EEF1D: variants seen among roughly 807,000 people sequenced by gnomAD.
EEF1D encodes the protein eukaryotic translation elongation factor 1 delta.
Under a neutral mutation model 63.9 loss-of-function variants are expected in EEF1D, and 47 were observed. That is an observed-to-expected ratio of 0.74 (90% confidence interval 0.58 to 0.94). The LOEUF is 0.94. Ranked by LOEUF, EEF1D falls within the 40% of genes least tolerant of loss-of-function variation. The probability of loss-of-function intolerance (pLI) is 0.00; values close to 1 mark genes in which losing one functional copy is unlikely to be tolerated. For synonymous variants in EEF1D, 412 were observed against 386.1 expected (o/e 1.07, Z -0.79); for missense variants, 907 against 899.0 (o/e 1.01, Z -0.11).
rs752847462 is a variant in EEF1D, at chr8:143,589,152, C to G, written c.930G>C (p.Lys310Asn). The change falls in exon 3 of 10, where the codon AAG becomes AAC. Residue 310 changes from lysine to asparagine, a missense_variant. By Grantham distance (94) the Lys-to-Asn change is moderately conservative (BLOSUM62 0). Transcript: ENST00000618139. ...SALPYCYFLQ[K>N]DAEAPWLSKP... is the part of the protein sequence containing the mutation. ...TGCTGAGCCAGGGGGCCTCTGCATC[C>G]TTCTGCAGGAAGTAACAGTAGGGCA... 6.2e-7 allele frequency: 1 copy of G among 1,608,516 alleles called. No homozygotes were observed. Among genetic ancestry groups the G allele is most frequent in the Non-Finnish European group, 8.5e-7 (1 of 1,177,816 alleles).
In EEF1D at chr8:143,581,314, C is replaced by T. The variant is rs560229924; in HGVS notation, c.1302G>A (p.Gly434=). The T allele has an allele frequency of 2.5e-6, 4 of 1,611,464 alleles. No individual in the cohort carries two copies. The African/African-American group carries it at 4.0e-5, about 16-fold the overall frequency. Residue 434 remains glycine, a synonymous_variant, in exon 6 of 10, where the codon GGG becomes GGA. Coordinates refer to ENST00000618139, the MANE Select transcript of EEF1D (RefSeq NM_001130053.5). ...QKSLAGSSGP[G]ASSGTSGDHG... is the part of the protein sequence containing the mutation. Reference sequence around the variant, plus strand: ...GGTCTCCGCTGGTGCCGCTGGAGGCCCCGGGGCCTGAGCTCTGCAAGGCAG... The same window carrying T: ...GGTCTCCGCTGGTGCCGCTGGAGGCTCCGGGGCCTGAGCTCTGCAAGGCAG...
At position 143,580,456 on chromosome 8, in the gene EEF1D, G is replaced by A. The variant is rs193071723; in HGVS notation, c.1710+50C>T. The A allele has an allele frequency of 9.7e-4, 1,526 of 1,580,260 alleles. 7 individuals carry two copies. The African/African-American group carries it at 0.018, about 19-fold the overall frequency. On this transcript the variant is annotated intron_variant, in intron 8 of 9. Coordinates refer to ENST00000618139, the MANE Select transcript of EEF1D (RefSeq NM_001130053.5). ...GGGTCACAGGCTGAGCCGGCTAGGC[G>A]GGCACCAGGGCAGTGCCTGGCCCCC...
intron 1 of EEF1D, among the ~76,000 whole-genome samples, chr8:143,595,397 G>C (rs1416658840): frequency 6.6e-6 from 1 of 151,924 alleles, no homozygotes; most frequent in East Asian, 1.9e-4. Flanking sequence ...GTAGAGACGG[G>C]GTTTCACCAT....
intron 8 of EEF1D, 120 bp downstream of exon 8, chr8:143,580,386 T>C: frequency 7.5e-7 from 1 of 1,338,596 alleles, no homozygotes; most frequent in Non-Finnish European, 1.0e-6. Flanking sequence ...CCAAGACTTC[T>C]AAACTCGGCT....
chr8:143,589,093 T>C lies in EEF1D; in HGVS notation c.989A>G (p.His330Arg). The change falls in exon 3 of 10, where the codon CAC becomes CGC. Residue 330 changes from histidine (H) to arginine (R), a missense_variant. Coordinates refer to ENST00000618139, the MANE Select transcript of EEF1D (RefSeq NM_001130053.5). The stretch of plus-strand genomic sequence containing the variant: ...GGCCACCCGCAGGGCCTCGGCAGCG[T>C]GGTGGCGGCACTCGGCGCTGTCGTA... ...PAYDSAECRH[H>R]AAEALRVAWC... 3.1e-6 allele frequency: 5 copies of C among 1,610,024 alleles called. No homozygotes were observed. Among genetic ancestry groups the C allele is most frequent in the Non-Finnish European group, 4.2e-6 (5 of 1,179,242 alleles).
rs1241548945 is a variant in EEF1D at position 143,589,625 on chromosome 8, G to T, written c.457C>A (p.Gln153Lys). ...APWGLCTHGN[Q>K]VACHHVTWGI... ...CAGGTCACGTGGTGGCAGGCCACCT[G>T]GTTTCCATGGGTGCAGAGACCCCAA... Residue 153 changes from glutamine to lysine, a missense_variant, in exon 3 of 10, where the codon CAG becomes AAG. Physicochemically the swap from Gln to Lys is moderately conservative, Grantham distance 53 (BLOSUM62 1). Coordinates refer to ENST00000618139, the MANE Select transcript of EEF1D (RefSeq NM_001130053.5). 1 of 1,536,904 alleles carries T rather than the reference G, an allele frequency of 6.5e-7. No individual in the cohort carries two copies. Among genetic ancestry groups the T allele is most frequent in the South Asian group, 1.2e-5 (1 of 80,712 alleles).
intron 1 of EEF1D, chr8:143,596,409 A>AT (rs1828831267): frequency 1.3e-5 from 2 of 152,298 alleles, no homozygotes; most frequent in African/African-American, 4.8e-5. Flanking sequence ...CCTCAGCTGC[A>AT]TCCCCCACCC....
chr8:143,588,463 T>G (rs1827150570), intron 3 of EEF1D, among the ~76,000 whole-genome samples: 1 of 152,204 alleles, frequency 6.6e-6, no homozygotes, highest in South Asian at 2.1e-4. Flanking sequence ...GGAGGCCACC[T>G]GACCAGCCAC....
At chr8:143,580,808 C>T (rs1202556662) in intron 7 of EEF1D, 81 bp from the exon 8 acceptor site, 2 of 1,495,942 alleles carry the variant, frequency 1.3e-6, no homozygotes, top group Non-Finnish European at 1.8e-6. Context: ...TCCTGGCCCT[C>T]CTCCCTCCTT....
intron 3 of EEF1D, chr8:143,587,085 T>G: frequency 2.4e-6 from 1 of 417,722 alleles, no homozygotes; most frequent in Admixed American, 4.1e-5. Context: ...CCCAGGCCCT[T>G]CCCTTTCACT....
chr8:143,583,858 C>CA (rs1461419211), intron 5 of EEF1D: 4 of 152,302 alleles, frequency 2.6e-5, no homozygotes, highest in Admixed American at 2.0e-4. Flanking sequence ...GGCCCACTGT[C>CA]ATCACAAGGG....
At chr8:143,584,038 C>T (rs1826059414) in intron 5 of EEF1D, 1 of 152,278 alleles carries the variant, frequency 6.6e-6, no homozygotes, top group Admixed American at 6.5e-5. Context: ...GATTTTGCCC[C>T]ATAAGATGAT....
intron 5 of EEF1D, 47 bp downstream of exon 5, chr8:143,586,172 G>T: frequency 6.4e-7 from 1 of 1,561,982 alleles, no homozygotes; most frequent in Non-Finnish European, 8.7e-7. Context: ...CAGACATGCT[G>T]CTTGGCCGAG....
In EEF1D at chr8:143,580,071, C is replaced by A; in HGVS notation, c.1846G>T (p.Glu616Ter). Residue 616 changes from glutamate (E) to a stop codon, truncating the protein, a stop_gained, in exon 9 of 10, where the codon GAG (glutamate) becomes TAG (stop). Coordinates refer to ENST00000618139, the MANE Select transcript of EEF1D (RefSeq NM_001130053.5). LOFTEE classifies it high-confidence loss of function. ...IRKLQIQCVV[E>*]DDKVGTDLLE... ...AAGTCTGTCCCCACCTTGTCGTCCT[C>A]CACCACACACTGAATCTGTAGCTTC... is the stretch of plus-strand genomic sequence containing the variant. 23 of 1,614,084 alleles carry A rather than the reference C, an allele frequency of 1.4e-5. No individual in the cohort carries two copies. The highest frequency in any genetic ancestry group is 1.9e-5 in the Non-Finnish European group (22 of 1,180,012).
intron 5 of EEF1D, 51 bp from the exon 6 acceptor site, chr8:143,581,379 C>A (rs1475546272): frequency 1.3e-6 from 2 of 1,535,068 alleles, no homozygotes; most frequent in Admixed American, 1.8e-5. Flanking sequence ...CTCCTAGGGT[C>A]CCCCTGCCAT....
chr8:143,589,606 A>G lies in EEF1D; in HGVS notation c.476T>C (p.Val159Ala), dbSNP rs148745450. ...CTTGTTGACCCAGATCCCCCAGGTC[A>G]CGTGGTGGCAGGCCACCTGGTTTCC... is the stretch of plus-strand genomic sequence containing the variant. The part of the protein sequence containing the change: ...THGNQVACHH[V>A]TWGIWVNKSS... Residue 159 changes from valine to alanine, a missense_variant, in exon 3 of 10, where the codon GTG (valine) becomes GCG (alanine). By Grantham distance (64) the Val-to-Ala change is moderately conservative. Coordinates refer to ENST00000618139, the MANE Select transcript of EEF1D (RefSeq NM_001130053.5). The G allele has an allele frequency of 1.5e-4, 232 of 1,528,908 alleles. No individual in the cohort carries two copies. Among genetic ancestry groups the G allele is most frequent in the Non-Finnish European group, 1.5e-4 (174 of 1,137,058 alleles). 94.7% of individuals were successfully genotyped at this position (1,528,908 alleles called of 1,614,324 possible). A position where few individuals can be genotyped will look rare whatever the true frequency, so the allele number is the denominator to read the frequency against.
At chr8:143,586,664 T>C (rs1466490832) in intron 4 of EEF1D, 65 bp downstream of exon 4, 2 of 1,584,376 alleles carry the variant, frequency 1.3e-6, no homozygotes, top group African/African-American at 2.7e-5. Context: ...TGAATCCGCT[T>C]TGTGTGCCCC....
chr8:143,580,319 G>C, intron 8 of EEF1D, 113 bp from the exon 9 acceptor site: 3 of 1,299,052 alleles, frequency 2.3e-6, no homozygotes, highest in Admixed American at 2.4e-5. Flanking sequence ...TTTCCTTAAA[G>C]GGCCCACAGA....
At chr8:143,595,755 T>A (rs7844940) in intron 1 of EEF1D, among the ~76,000 whole-genome samples, 2 of 151,964 alleles carry the variant, frequency 1.3e-5, no homozygotes, top group Non-Finnish European at 2.9e-5. Flanking sequence ...CCGACCTGCC[T>A]GCCCGGCGCA....
Sources: allele counts gnomAD v4.1 joint callset (sites outside exome capture counted in the v4.1 genomes callset), GRCh38; gene constraint gnomAD v4.1.1; transcripts MANE v1.5; gene names NCBI Gene and HGNC (gene_info 2026-07-23, HGNC 2026-07-21).